Variants in TSPAN18 observed in about 807,000 individuals in gnomAD.
TSPAN18 encodes tetraspanin 18.
TSPAN18 carries 14 observed loss-of-function variants against 27.3 expected under a neutral mutation model. The observed-to-expected ratio is 0.51, with a 90% CI of 0.34 to 0.80. The LOEUF (loss-of-function observed/expected upper bound fraction) is 0.80, where lower values mean the gene tolerates loss of function less well. Among genes scored for constraint, TSPAN18 ranks in the 30% least tolerant of loss-of-function variants. TSPAN18 has a pLI of 0.01. For missense variants in TSPAN18, 268 were observed against 323.9 expected, an observed-to-expected ratio of 0.83 and a Z score of 1.32; for synonymous variants, 143 against 136.5, an observed-to-expected ratio of 1.05 and a Z score of -0.33.
chr11:44,757,845 T>C (rs1855367195), intron 1 of TSPAN18, among the ~76,000 whole-genome samples: 1 of 152,246 alleles, frequency 6.6e-6, no homozygotes, highest in Admixed American at 6.5e-5. Context: ...GAGTTTGAGT[T>C]TTCTATATTT....
rs1342134502 is a variant in TSPAN18, at chr11:44,727,156, C to T, written c.-371C>T. On this transcript the variant is annotated 5_prime_UTR_variant, in exon 1 of 10. Coordinates refer to ENST00000520358, the MANE Select transcript of TSPAN18 (RefSeq NM_130783.5). ...AGCGCCGCCGCCTCGCGCTGCGGGT[C>T]CCCGGACGCGCCGCCACCGCCGGGA... is the stretch of plus-strand genomic sequence containing the variant. 3 of 149,478 alleles carry T rather than the reference C, an allele frequency of 2.0e-5. No homozygotes were observed. Among genetic ancestry groups the T allele is most frequent in the Admixed American group, 6.7e-5 (1 of 14,970 alleles). 9.3% of individuals were successfully genotyped at this position (149,478 alleles called of 1,614,324 possible).
intron 8 of TSPAN18, among the ~76,000 whole-genome samples, chr11:44,923,855 C>T (rs1027502851): frequency 5.9e-5 from 9 of 152,146 alleles, no homozygotes. Flanking sequence ...GTCTCTGTTC[C>T]TGGGAAGCTT....
At chr11:44,810,503 T>C (rs193151185) in intron 2 of TSPAN18, among the ~76,000 whole-genome samples, 2 of 152,348 alleles carry the variant, frequency 1.3e-5, no homozygotes, top group Admixed American at 1.3e-4. Context: ...GTATATACCA[T>C]AATTTGCTTA....
chr11:44,772,213 A>G (rs1481510386), intron 2 of TSPAN18, among the ~76,000 whole-genome samples: 1 of 152,244 alleles, frequency 6.6e-6, no homozygotes, highest in Non-Finnish European at 1.5e-5. Flanking sequence ...AGACACTCCC[A>G]GAATAATGTT....
At chr11:44,917,136 C>T (rs1161437649) in intron 5 of TSPAN18, among the ~76,000 whole-genome samples, 1 of 152,216 alleles carries the variant, frequency 6.6e-6, no homozygotes, top group Non-Finnish European at 1.5e-5. Context: ...CGTGCGGGCA[C>T]CTCTGTTAGG....
At chr11:44,927,600 A>G (rs1031474163) in intron 9 of TSPAN18, among the ~76,000 whole-genome samples, 3 of 152,188 alleles carry the variant, frequency 2.0e-5, no homozygotes, top group Admixed American at 6.5e-5. Context: ...GGGAGGGGTC[A>G]TTGATTATTC....
Position 44,931,629 on chromosome 11 carries a change from GCTC to G in TSPAN18, c.*2454_*2456del, listed in dbSNP as rs1390154185. On this transcript the variant is annotated 3_prime_UTR_variant, in exon 10 of 10. Coordinates refer to ENST00000520358, the MANE Select transcript of TSPAN18 (RefSeq NM_130783.5). Reference sequence around the variant, plus strand: ...TGGAAAGGGAAGACAGGCAGTTTCTGCTCCTGTTGGCATTCGCTCAGGCTGGTA... The same window carrying G: ...TGGAAAGGGAAGACAGGCAGTTTCTGCTGTTGGCATTCGCTCAGGCTGGTA... 1 of 152,318 alleles carries G rather than the reference GCTC, an allele frequency of 6.6e-6. No individual in the cohort carries two copies. Among genetic ancestry groups the G allele is most frequent in the Non-Finnish European group, 1.5e-5 (1 of 68,102 alleles). The allele number at this position is 152,318 out of a possible 1,614,324, so 9.4% of individuals were successfully genotyped here.
chr11:44,783,688 C>T (rs932798617), intron 2 of TSPAN18, among the ~76,000 whole-genome samples: 2 of 152,194 alleles, frequency 1.3e-5, no homozygotes, highest in Non-Finnish European at 2.9e-5. Context: ...TGAGCCACCG[C>T]GCCCGGCCTC....
At chr11:44,744,447 G>T (rs1468356104) in intron 1 of TSPAN18, among the ~76,000 whole-genome samples, 1 of 152,180 alleles carries the variant, frequency 6.6e-6, no homozygotes, top group Non-Finnish European at 1.5e-5. Flanking sequence ...CTAATTGGTT[G>T]CAAGAAACTC....
At chr11:44,752,638 A>C (rs1855239110) in intron 1 of TSPAN18, among the ~76,000 whole-genome samples, 1 of 152,232 alleles carries the variant, frequency 6.6e-6, no homozygotes, top group Non-Finnish European at 1.5e-5. Context: ...ATGTATTGTC[A>C]GTATAATTTA....
At chr11:44,818,269 A>G (rs1856853588) in intron 2 of TSPAN18, among the ~76,000 whole-genome samples, 1 of 152,226 alleles carries the variant, frequency 6.6e-6, no homozygotes, top group Non-Finnish European at 1.5e-5. Context: ...GGCCCTGCCC[A>G]TGCAGCCCTC....
At chr11:44,841,430 C>G (rs527441645) in intron 2 of TSPAN18, among the ~76,000 whole-genome samples, 1 of 151,888 alleles carries the variant, frequency 6.6e-6, no homozygotes, top group Admixed American at 6.6e-5. Context: ...GCGGGAAAAT[C>G]ACTTGAACCC....
chr11:44,846,760 C>T (rs73452552), intron 2 of TSPAN18, among the ~76,000 whole-genome samples: 15 of 152,150 alleles, frequency 9.9e-5, no homozygotes, highest in Admixed American at 6.5e-5. Context: ...TAGGAAGGTG[C>T]CCCTTTGTCA....
chr11:44,774,355 A>G (rs1479205581), intron 2 of TSPAN18, among the ~76,000 whole-genome samples: 4 of 152,200 alleles, frequency 2.6e-5, no homozygotes, highest in Admixed American at 6.5e-5. Flanking sequence ...TGCATCTCAC[A>G]GTGTGTCCCC....
At chr11:44,791,600 C>A (rs948353161) in intron 2 of TSPAN18, among the ~76,000 whole-genome samples, 4 of 152,154 alleles carry the variant, frequency 2.6e-5, no homozygotes, top group Non-Finnish European at 5.9e-5. Context: ...CTAGTCACTT[C>A]TTCTGTGGAC....
intron 3 of TSPAN18, among the ~76,000 whole-genome samples, chr11:44,905,025 T>A (rs1474424936): frequency 1.3e-5 from 2 of 152,146 alleles, no homozygotes; most frequent in African/African-American, 4.8e-5. Flanking sequence ...CAGTGCTGGA[T>A]CCCCAAACAG....
At chr11:44,727,713 C>G (rs1438837330) in intron 1 of TSPAN18, among the ~76,000 whole-genome samples, 2 of 151,968 alleles carry the variant, frequency 1.3e-5, no homozygotes, top group African/African-American at 4.8e-5. Flanking sequence ...GGACTGGGAG[C>G]GGCGATCGGG....
intron 2 of TSPAN18, among the ~76,000 whole-genome samples, chr11:44,789,285 T>C (rs991006712): frequency 6.6e-6 from 1 of 152,170 alleles, no homozygotes; most frequent in Non-Finnish European, 1.5e-5. Flanking sequence ...CTACCCAACG[T>C]CAAATCTTGT....
At chr11:44,908,827 G>GAAAGAAAGAAAA (rs1178087638) in intron 4 of TSPAN18, among the ~76,000 whole-genome samples, 3 of 112,092 alleles carry the variant, frequency 2.7e-5, no homozygotes, top group Admixed American at 9.0e-5. Flanking sequence ...AAGAAAGAAA[G>GAAAGAAAGAAAA]AAAAAGAAAA....
Sources: allele counts gnomAD v4.1 joint callset (sites outside exome capture counted in the v4.1 genomes callset), GRCh38; gene constraint gnomAD v4.1.1; transcripts MANE v1.5; gene names NCBI Gene and HGNC (gene_info 2026-07-23, HGNC 2026-07-21).